Variants in SHLD2 observed in about 807,000 individuals in gnomAD.
The protein encoded by SHLD2 is shieldin complex subunit 2.
In SHLD2, 30 loss-of-function variants were observed where a neutral mutation model predicts 73.2. The observed-to-expected ratio is 0.41, with a 90% CI of 0.31 to 0.56. SHLD2 has a LOEUF of 0.56. SHLD2 is among the 20% of genes least tolerant of loss of function. The pLI is 0.28. For missense variants in SHLD2, 745 were observed against 1,055.9 expected (o/e 0.71, Z 4.08); for synonymous variants, 285 against 370.1 (o/e 0.77, Z 2.64).
chr10:87,183,231 T>C (rs1394410056), intron 8 of SHLD2, among the ~76,000 whole-genome samples: 1 of 152,180 alleles, frequency 6.6e-6, no homozygotes, highest in Admixed American at 6.5e-5. Flanking sequence ...TCATTGACAG[T>C]TGGGTGAACA....
chr10:87,190,363 G>A lies in SHLD2; in HGVS notation c.2516-121G>A, dbSNP rs139204436. The A allele has an allele frequency of 1.6e-3, 1,378 of 880,484 alleles. 13 individuals carry two copies. In the African/African-American group the frequency reaches 0.019, roughly 12 times the overall value. The allele number at this position is 880,484 out of a possible 1,614,324, so 54.5% of individuals were successfully genotyped here. A position where few individuals can be genotyped will look rare whatever the true frequency, so the allele number is the denominator to read the frequency against. On this transcript the variant is annotated intron_variant, in intron 9 of 9. Transcript: ENST00000298786. Reference sequence around the variant, plus strand: ...TGTGAGCCACCGCTACTGGACGGGAGGAGAAATTTAAAATGGGTTTGAGAC... The same window carrying A: ...TGTGAGCCACCGCTACTGGACGGGAAGAGAAATTTAAAATGGGTTTGAGAC...
At chr10:87,189,642 G>T (rs192686485) in intron 9 of SHLD2, among the ~76,000 whole-genome samples, 2 of 152,320 alleles carry the variant, frequency 1.3e-5, no homozygotes, top group East Asian at 3.9e-4. Flanking sequence ...TTGTCAAGGG[G>T]TTAGTACGGT....
At chr10:87,164,492 G>A in intron 4 of SHLD2, among the ~76,000 whole-genome samples, 1 of 151,592 alleles carries the variant, frequency 6.6e-6, no homozygotes, top group Non-Finnish European at 1.5e-5. Flanking sequence ...GGCTTCAGCA[G>A]TCCACCCATC....
chr10:87,141,944 T>C (rs1278778887), intron 2 of SHLD2, among the ~76,000 whole-genome samples: 1 of 151,660 alleles, frequency 6.6e-6, no homozygotes, highest in African/African-American at 2.4e-5. Context: ...GGCGGGAGAA[T>C]TGCTTGAACC....
chr10:87,111,138 G>A (rs1365246486), intron 2 of SHLD2, among the ~76,000 whole-genome samples: 2 of 151,828 alleles, frequency 1.3e-5, no homozygotes, highest in Admixed American at 1.3e-4. Flanking sequence ...CACTGCGCCT[G>A]GCCCTTAAAA....
intron 2 of SHLD2, among the ~76,000 whole-genome samples, chr10:87,127,538 CA>C (rs1554829067): frequency 0.036 from 2,267 of 62,692 alleles, 100 homozygotes; most frequent in East Asian, 0.047. Flanking sequence ...CGCCCCCCCC[CA>C]CCCCGTCTGC....
At position 87,144,937 on chromosome 10, in the gene SHLD2, C is replaced by CTT. The variant is rs1178507966; in HGVS notation, c.-5-6393_-5-6392dup. On this transcript the variant is annotated intron_variant, in intron 2 of 9. Transcript: ENST00000298786. ...GAGCCACTGCTCCCGGCCTGTAATT[C>CTT]TTTTTTTTTTTTTTTTTTTTTGAGA... 8.1e-4 allele frequency among the ~76,000 whole-genome samples: 58 copies of CTT among 72,008 alleles called. 1 individual carries two copies. The highest frequency in any genetic ancestry group is 1.0e-3 in the Non-Finnish European group (41 of 40,756). 47.2% of individuals were successfully genotyped at this position (72,008 alleles called of 152,430 possible).
At chr10:87,120,271 A>C (rs1843522221) in intron 2 of SHLD2, among the ~76,000 whole-genome samples, 1 of 143,088 alleles carries the variant, frequency 7.0e-6, no homozygotes. Flanking sequence ...TTTTTGAGAC[A>C]GAGTCTTGCT....
At chr10:87,137,960 C>A (rs1564591960) in intron 2 of SHLD2, among the ~76,000 whole-genome samples, 1 of 152,010 alleles carries the variant, frequency 6.6e-6, no homozygotes, top group African/African-American at 2.4e-5. Flanking sequence ...TACTTGAACC[C>A]AGGAGTTCGA....
At chr10:87,104,411 A>G (rs1233657261) in intron 2 of SHLD2, among the ~76,000 whole-genome samples, 2 of 149,802 alleles carry the variant, frequency 1.3e-5, no homozygotes, top group Non-Finnish European at 3.0e-5. Flanking sequence ...GCCAGGCATA[A>G]TGGCGAGTGC....
chr10:87,110,911 T>C (rs968298519), intron 2 of SHLD2, among the ~76,000 whole-genome samples: 2 of 151,158 alleles, frequency 1.3e-5, no homozygotes, highest in Non-Finnish European at 2.9e-5. Flanking sequence ...TGGTGCCATC[T>C]TGGTTCACTG....
intron 2 of SHLD2, among the ~76,000 whole-genome samples, chr10:87,142,377 G>A (rs953765403): frequency 5.3e-5 from 8 of 152,244 alleles, no homozygotes; most frequent in African/African-American, 1.4e-4. Flanking sequence ...AAACCAGAGA[G>A]TCAGTGTGGT....
At chr10:87,150,247 T>C (rs1164521476) in intron 2 of SHLD2, among the ~76,000 whole-genome samples, 1 of 151,108 alleles carries the variant, frequency 6.6e-6, no homozygotes, top group African/African-American at 2.4e-5. Context: ...GTATTTTTAG[T>C]AGAGATGGGG....
In SHLD2 at chr10:87,144,616, A is replaced by ATTTTTT. The variant is rs548218721; in HGVS notation, c.-5-6711_-5-6706dup. ...TAAATTTAGGTACAAGCATTTACTA[A>ATTTTTT]TTTTTTTTTTTTTTTTTTTTTTTTT... On this transcript the variant is annotated intron_variant, in intron 2 of 9. Transcript: ENST00000298786. 5.0e-3 allele frequency among the ~76,000 whole-genome samples: 450 copies of ATTTTTT among 89,406 alleles called. 11 individuals are homozygous for ATTTTTT. The highest frequency in any genetic ancestry group is 6.4e-3 in the Non-Finnish European group (323 of 50,336). 58.7% of individuals were successfully genotyped at this position (89,406 alleles called of 152,430 possible).
chr10:87,098,937 G>A (rs576890143), intron 2 of SHLD2, among the ~76,000 whole-genome samples: 65 of 152,148 alleles, frequency 4.3e-4, no homozygotes, highest in African/African-American at 1.5e-3. Context: ...CGCCACTCCC[G>A]GCTAACTTTT....
upstream of SHLD2, chr10:87,095,160 A>C (rs1589395755): frequency 3.0e-5 from 1 of 33,136 alleles, no homozygotes; most frequent in Non-Finnish European, 8.3e-5. Flanking sequence ...AGGGAGGGGA[A>C]GGTCGGGGCG....
chr10:87,100,142 A>G (rs1276940293), intron 2 of SHLD2, among the ~76,000 whole-genome samples: 3 of 152,154 alleles, frequency 2.0e-5, no homozygotes, highest in African/African-American at 4.8e-5. Context: ...TTCTTTCGAT[A>G]CTTATGCTTT....
chr10:87,112,465 G>C (rs1435130488), intron 2 of SHLD2, among the ~76,000 whole-genome samples: 3 of 151,940 alleles, frequency 2.0e-5, no homozygotes, highest in Non-Finnish European at 4.4e-5. Flanking sequence ...AGAAGTTAGA[G>C]ACCAGCCTGG....
chr10:87,099,986 T>A (rs1407503632), intron 2 of SHLD2, among the ~76,000 whole-genome samples: 5 of 151,564 alleles, frequency 3.3e-5, no homozygotes, highest in Admixed American at 3.3e-4. Context: ...TTTGTAAGAG[T>A]TTTTTTTTAA....
Sources: gnomAD v4.1 joint callset for allele counts (sites outside exome capture counted in the v4.1 genomes callset) on GRCh38, gnomAD v4.1.1 for gene constraint, MANE v1.5 for transcripts, NCBI Gene and HGNC (gene_info 2026-07-23, HGNC 2026-07-21) for gene names.